CAMK1D: variants seen among roughly 807,000 people sequenced by gnomAD.
CAMK1D encodes the protein calcium/calmodulin-dependent protein kinase type 1D.
A neutral mutation model predicts 47.7 loss-of-function variants in CAMK1D; 9 were observed. The ratio of observed to expected loss-of-function variants is 0.19; its 90% CI spans 0.11 to 0.33. The LOEUF is 0.33. Ranked by LOEUF, CAMK1D falls within the 10% of genes least tolerant of loss-of-function variation. The pLI is 1.00. For synonymous variants in CAMK1D, 184 were observed against 184.9 expected, an observed-to-expected ratio of 0.99 and a Z score of 0.04; for missense variants, 291 against 488.7, an observed-to-expected ratio of 0.60 and a Z score of 3.81.
chr10:12,797,947 C>T (rs1838264253), intron 6 of CAMK1D, among the ~76,000 whole-genome samples: 1 of 152,156 alleles, frequency 6.6e-6, no homozygotes, highest in South Asian at 2.1e-4. Flanking sequence ...AGGGGGGAAA[C>T]TTCACAAGCA....
At chr10:12,477,480 C>G (rs541787141) in intron 1 of CAMK1D, among the ~76,000 whole-genome samples, 1 of 152,116 alleles carries the variant, frequency 6.6e-6, no homozygotes, top group African/African-American at 2.4e-5. Flanking sequence ...CTGGGGAAGA[C>G]GAAAGGGGCA....
intron 1 of CAMK1D, among the ~76,000 whole-genome samples, chr10:12,376,382 C>G (rs1476263952): frequency 6.6e-6 from 1 of 151,980 alleles, no homozygotes; most frequent in Non-Finnish European, 1.5e-5. Flanking sequence ...GAACCTAGAT[C>G]TGTGTGAAGA....
intron 3 of CAMK1D, among the ~76,000 whole-genome samples, chr10:12,713,657 G>A (rs1274655315): frequency 1.3e-5 from 2 of 152,190 alleles, no homozygotes; most frequent in African/African-American, 4.8e-5. Context: ...CCCTTCAGTT[G>A]CAGATGTTTG....
intron 1 of CAMK1D, among the ~76,000 whole-genome samples, chr10:12,536,170 T>C (rs1192379849): frequency 1.3e-5 from 2 of 152,096 alleles, no homozygotes; most frequent in East Asian, 3.9e-4. Flanking sequence ...CAGATTACCA[T>C]GTACCCACCA....
chr10:12,814,311 G>C lies in CAMK1D; in HGVS notation c.754+4G>C, dbSNP rs1277190010. Reference sequence around the variant, plus strand: ...TGGGATGACATCTCCGACTCTGGTAGGTCTCCCATAGGCAGCTCCCAGTGG... The same window carrying C: ...TGGGATGACATCTCCGACTCTGGTACGTCTCCCATAGGCAGCTCCCAGTGG... On this transcript the variant is annotated splice_donor_region_variant and intron_variant, in intron 7 of 10. Coordinates refer to ENST00000619168, the MANE Select transcript of CAMK1D (RefSeq NM_153498.4). The C allele has an allele frequency of 1.9e-6, 3 of 1,593,576 alleles. No homozygotes were observed. The highest frequency in any genetic ancestry group is 1.7e-5 in the Admixed American group (1 of 59,932).
At chr10:12,566,484 C>T (rs569574727) in intron 2 of CAMK1D, among the ~76,000 whole-genome samples, 1 of 152,298 alleles carries the variant, frequency 6.6e-6, no homozygotes, top group South Asian at 2.1e-4. Context: ...TTGCTTTCCT[C>T]GGTTATCTGA....
chr10:12,663,637 A>G (rs1342395566), intron 2 of CAMK1D, among the ~76,000 whole-genome samples: 1 of 152,180 alleles, frequency 6.6e-6, no homozygotes, highest in Non-Finnish European at 1.5e-5. Flanking sequence ...CACCAAATTC[A>G]GAGTACCTAG....
At chr10:12,782,981 G>GTTTTTTTTTTTT (rs869155068) in intron 5 of CAMK1D, among the ~76,000 whole-genome samples, 1 of 134,850 alleles carries the variant, frequency 7.4e-6, no homozygotes, top group African/African-American at 2.8e-5. Flanking sequence ...AGTATTTTCA[G>GTTTTTTTTTTTT]TTTTTTTTTT....
chr10:12,834,468 G>A lies in CAMK1D; in HGVS notation c.*5581G>A, dbSNP rs762881146. On this transcript the variant is annotated 3_prime_UTR_variant, in exon 11 of 11. Transcript: ENST00000619168. ...TTTGGAAGCCAAACGCTCAGCATGC[G>A]GCTGCCGAGTCTGGTTTTGTGGACA... is the stretch of plus-strand genomic sequence containing the variant. The A allele has an allele frequency of 6.6e-6, 1 of 152,064 alleles. No individual in the cohort carries two copies. Among genetic ancestry groups the A allele is most frequent in the Non-Finnish European group, 1.5e-5 (1 of 68,020 alleles). The allele number at this position is 152,064 out of a possible 1,614,324, so 9.4% of individuals were successfully genotyped here.
intron 1 of CAMK1D, among the ~76,000 whole-genome samples, chr10:12,548,903 T>C (rs1489699638): frequency 6.6e-6 from 1 of 152,206 alleles, no homozygotes; most frequent in Admixed American, 6.5e-5. Context: ...TCATCAAGGT[T>C]GGAGTGCATA....
chr10:12,831,315 T>G lies in CAMK1D; in HGVS notation c.*2428T>G, dbSNP rs1282822309. Reference sequence around the variant, plus strand: ...AGAAGTGTCTTGGAAACATTCGAGTTCATACAGTGCATGACAAAGTAATAG... The same window carrying G: ...AGAAGTGTCTTGGAAACATTCGAGTGCATACAGTGCATGACAAAGTAATAG... On this transcript the variant is annotated 3_prime_UTR_variant, in exon 11 of 11. Coordinates refer to ENST00000619168, the MANE Select transcript of CAMK1D (RefSeq NM_153498.4). The G allele has an allele frequency of 4.6e-5, 7 of 152,210 alleles. No homozygotes were observed. Among genetic ancestry groups the G allele is most frequent in the South Asian group, 2.1e-4 (1 of 4,824 alleles). The allele number at this position is 152,210 out of a possible 1,614,324, so 9.4% of individuals were successfully genotyped here.
chr10:12,357,501 A>T (rs1837552587), intron 1 of CAMK1D, among the ~76,000 whole-genome samples: 1 of 152,140 alleles, frequency 6.6e-6, no homozygotes, highest in Non-Finnish European at 1.5e-5. Flanking sequence ...TTTTTGGTAG[A>T]GATTATGTTT....
chr10:12,780,140 T>A (rs1564555752), intron 5 of CAMK1D, among the ~76,000 whole-genome samples: 2 of 152,174 alleles, frequency 1.3e-5, no homozygotes, highest in Admixed American at 1.3e-4. Flanking sequence ...AGGATTGGTG[T>A]TAATTCAGGG....
chr10:12,416,844 G>T (rs896265157), intron 1 of CAMK1D, among the ~76,000 whole-genome samples: 12 of 152,304 alleles, frequency 7.9e-5, no homozygotes, highest in Middle Eastern at 6.8e-3. Flanking sequence ...GCTTTCCAGG[G>T]CATGTTCTGC....
intron 1 of CAMK1D, among the ~76,000 whole-genome samples, chr10:12,483,663 C>T (rs1834127901): frequency 1.3e-5 from 2 of 151,792 alleles, no homozygotes; most frequent in South Asian, 2.1e-4. Context: ...CACACCTGGC[C>T]TCTAAAAAAA....
intron 2 of CAMK1D, among the ~76,000 whole-genome samples, chr10:12,563,346 T>A (rs1837003889): frequency 7.8e-6 from 1 of 127,534 alleles, no homozygotes; most frequent in East Asian, 2.3e-4. Flanking sequence ...AGAGTGAGAC[T>A]CTGTCTCTAA....
intron 3 of CAMK1D, among the ~76,000 whole-genome samples, chr10:12,686,469 G>A (rs1050666669): frequency 2.0e-5 from 3 of 151,720 alleles, no homozygotes; most frequent in Non-Finnish European, 4.4e-5. Flanking sequence ...TTACAGGCAC[G>A]CACCACCACG....
chr10:12,385,537 A>G (rs1358022037), intron 1 of CAMK1D, among the ~76,000 whole-genome samples: 1 of 152,222 alleles, frequency 6.6e-6, no homozygotes, highest in Middle Eastern at 3.2e-3. Context: ...TATATAAAAT[A>G]TCCAGAGTAG....
intron 1 of CAMK1D, among the ~76,000 whole-genome samples, chr10:12,478,926 A>G (rs375420004): frequency 6.2e-4 from 95 of 152,342 alleles, no homozygotes; most frequent in South Asian, 3.3e-3. Flanking sequence ...AGCGCCTGCA[A>G]CGTTTAGGGC....
Sources: allele counts gnomAD v4.1 joint callset (sites outside exome capture counted in the v4.1 genomes callset), GRCh38; gene constraint gnomAD v4.1.1; transcripts MANE v1.5; gene names NCBI Gene and HGNC (gene_info 2026-07-23, HGNC 2026-07-21).